The following RAPGEF4 variants were observed in gnomAD, a reference collection of about 807,000 sequenced individuals.
RAPGEF4 encodes RAP guanine-nucleotide-exchange factor (GEF) 4.
In RAPGEF4, 66 loss-of-function variants were observed where a neutral mutation model predicts 147.9. The observed-to-expected ratio is 0.45, with a 90% CI of 0.37 to 0.55. The LOEUF (loss-of-function observed/expected upper bound fraction) is 0.55, where lower values mean the gene tolerates loss of function less well. RAPGEF4 is among the 20% of genes least tolerant of loss of function. The pLI, the probability that RAPGEF4 is intolerant of heterozygous loss-of-function variation, is 0.00. For synonymous variants in RAPGEF4, 419 were observed against 442.7 expected, an observed-to-expected ratio of 0.95 and a Z score of 0.67; for missense variants, 1,071 against 1,257.3, an observed-to-expected ratio of 0.85 and a Z score of 2.24.
At chr2:172,748,550 A>G (rs1694980852) in intron 1 of RAPGEF4, among the ~76,000 whole-genome samples, 1 of 152,134 alleles carries the variant, frequency 6.6e-6, no homozygotes, top group Non-Finnish European at 1.5e-5. Context: ...TGATTCAGTT[A>G]TCTCCCACCG....
At chr2:173,024,332 C>T (rs1375566534) in intron 23 of RAPGEF4, among the ~76,000 whole-genome samples, 1 of 148,654 alleles carries the variant, frequency 6.7e-6, no homozygotes, top group Admixed American at 6.8e-5. Context: ...ATTCTCCTGC[C>T]TCAGCCTCCC....
chr2:172,806,941 T>C lies in RAPGEF4; in HGVS notation c.298-7338T>C, dbSNP rs1275840243. On this transcript the variant is annotated intron_variant, in intron 3 of 30. Coordinates refer to ENST00000397081, the MANE Select transcript of RAPGEF4 (RefSeq NM_007023.4). ...TGTGTGTTTCGTTGTAATGCGGATC[T>C]CTCTACCTTTGTCTGTCTTTCTCTT... Among the ~76,000 whole-genome samples, 3 of 152,372 alleles carry C rather than the reference T, an allele frequency of 2.0e-5. No homozygotes were observed. The East Asian group carries it at 5.8e-4, about 29-fold the overall frequency.
chr2:172,911,051 C>T (rs1700044986), intron 4 of RAPGEF4, among the ~76,000 whole-genome samples: 1 of 152,198 alleles, frequency 6.6e-6, no homozygotes, highest in African/African-American at 2.4e-5. Flanking sequence ...CACGACAGTT[C>T]ACAACCCCTC....
chr2:172,752,461 T>C (rs374697961), intron 1 of RAPGEF4, among the ~76,000 whole-genome samples: 1 of 152,232 alleles, frequency 6.6e-6, no homozygotes, highest in East Asian at 1.9e-4. Flanking sequence ...TGTCAAAAAC[T>C]GAAGGTAACT....
intron 26 of RAPGEF4, among the ~76,000 whole-genome samples, chr2:173,031,506 A>G (rs1454875691): frequency 2.0e-5 from 3 of 152,208 alleles, no homozygotes; most frequent in Non-Finnish European, 2.9e-5. Flanking sequence ...CCTGCCACAG[A>G]GTCCAAATTA....
At chr2:172,878,954 C>T (rs1696286770) in intron 4 of RAPGEF4, among the ~76,000 whole-genome samples, 1 of 152,132 alleles carries the variant, frequency 6.6e-6, no homozygotes, top group Non-Finnish European at 1.5e-5. Context: ...TTGTACTCTG[C>T]AGGTGGGGCT....
intron 23 of RAPGEF4, among the ~76,000 whole-genome samples, chr2:173,023,321 A>G (rs1013438399): frequency 2.0e-5 from 3 of 152,150 alleles, no homozygotes; most frequent in Non-Finnish European, 2.9e-5. Context: ...TGGGGAGAAA[A>G]TGCATGGGAG....
At chr2:172,977,980 C>CT (rs1402560141) in intron 10 of RAPGEF4, among the ~76,000 whole-genome samples, 3 of 152,148 alleles carry the variant, frequency 2.0e-5, no homozygotes, top group Admixed American at 1.3e-4. Context: ...CTGTGCTTCT[C>CT]TTTTTTTCTT....
chr2:172,936,589 TG>T (rs1381590989), intron 6 of RAPGEF4, among the ~76,000 whole-genome samples: 2 of 150,666 alleles, frequency 1.3e-5, no homozygotes, highest in Admixed American at 6.6e-5. Flanking sequence ...ACATTTTTAT[TG>T]TTTTTTTTTT....
At chr2:172,802,114 G>A (rs1001457923) in intron 3 of RAPGEF4, among the ~76,000 whole-genome samples, 4 of 152,284 alleles carry the variant, frequency 2.6e-5, no homozygotes, top group African/African-American at 9.6e-5. Context: ...AGAAAGGGAG[G>A]CTCCTGACTT....
chr2:172,753,344 A>G (rs762528294), intron 1 of RAPGEF4, among the ~76,000 whole-genome samples: 8 of 152,116 alleles, frequency 5.3e-5, no homozygotes, highest in Non-Finnish European at 1.5e-5. Context: ...AAAACTGGAA[A>G]ATTATTTAAA....
chr2:172,744,554 G>T, intron 1 of RAPGEF4: 1 of 342,860 alleles, frequency 2.9e-6, no homozygotes, highest in Non-Finnish European at 5.9e-6. Context: ...GTAATTTTGG[G>T]CAAGTTATTT....
chr2:172,811,955 A>T (rs1688066173), intron 3 of RAPGEF4, among the ~76,000 whole-genome samples: 1 of 152,234 alleles, frequency 6.6e-6, no homozygotes, highest in Admixed American at 6.5e-5. Flanking sequence ...AATAGTCTTC[A>T]GGGTGAAAAT....
intron 4 of RAPGEF4, among the ~76,000 whole-genome samples, chr2:172,883,906 A>G (rs1696893266): frequency 1.3e-5 from 2 of 152,216 alleles, no homozygotes; most frequent in South Asian, 4.1e-4. Context: ...TAGTGAAAAG[A>G]ACAAACCATA....
chr2:173,035,407 A>AG (rs753293983), intron 27 of RAPGEF4, among the ~76,000 whole-genome samples: 2 of 151,076 alleles, frequency 1.3e-5, no homozygotes, highest in Non-Finnish European at 2.9e-5. Context: ...GCTACTCGGG[A>AG]GGCTGAGGCA....
At chr2:172,879,139 A>G (rs1696316788) in intron 4 of RAPGEF4, among the ~76,000 whole-genome samples, 2 of 152,180 alleles carry the variant, frequency 1.3e-5, no homozygotes, top group African/African-American at 4.8e-5. Flanking sequence ...TGCTATAGCC[A>G]ACTACTGGAA....
At chr2:172,860,110 G>A in intron 4 of RAPGEF4, 1 of 985,298 alleles carries the variant, frequency 1.0e-6, no homozygotes, top group Non-Finnish European at 1.2e-6. Flanking sequence ...AAACATTAGT[G>A]CTAATATGCT....
rs1354085332 is a variant in RAPGEF4 at position 172,965,628 on chromosome 2, G to T, written c.765G>T (p.Arg255=). ...AGCAGACACCATGTGTTCACTCCCGGACTCAAGCTGTTGGCATGTGGCAAG... is the reference window on the plus strand; with the variant it reads ...AGCAGACACCATGTGTTCACTCCCGTACTCAAGCTGTTGGCATGTGGCAAG... The part of the protein sequence containing the change: ...MMQQTPCVHS[R]TQAVGMWQVL... The change falls in exon 9 of 31, where the codon CGG becomes CGT. Residue 255 remains arginine (R), a synonymous_variant. Coordinates refer to ENST00000397081, the MANE Select transcript of RAPGEF4 (RefSeq NM_007023.4). 10 of 1,614,134 alleles carry T rather than the reference G, an allele frequency of 6.2e-6. No homozygotes were observed. Among genetic ancestry groups the T allele is most frequent in the Non-Finnish European group, 8.5e-6 (10 of 1,180,000 alleles).
At chr2:172,885,320 C>T (rs997127471) in intron 4 of RAPGEF4, among the ~76,000 whole-genome samples, 2 of 152,232 alleles carry the variant, frequency 1.3e-5, no homozygotes, top group African/African-American at 4.8e-5. Context: ...CTTTCCTCCT[C>T]CCTTATCTAT....
Sources: gnomAD v4.1 joint callset for allele counts (sites outside exome capture counted in the v4.1 genomes callset) on GRCh38, gnomAD v4.1.1 for gene constraint, MANE v1.5 for transcripts, NCBI Gene and HGNC (gene_info 2026-07-23, HGNC 2026-07-21) for gene names.